CSMD3: variants seen among roughly 807,000 people sequenced by gnomAD.
CSMD3 encodes CUB and Sushi multiple domains 3, also known as CUB and sushi domain-containing protein 3.
In CSMD3, 177 loss-of-function variants were observed where a neutral mutation model predicts 435.2. That is an observed-to-expected ratio of 0.41 (90% CI 0.36 to 0.46). The LOEUF is 0.46. CSMD3 is among the 20% of genes least tolerant of loss of function. The pLI is 0.34. For missense variants in CSMD3, 4,265 were observed against 4,504.6 expected, an observed-to-expected ratio of 0.95 and a Z score of 1.52; for synonymous variants, 1,656 against 1,520.5, an observed-to-expected ratio of 1.09 and a Z score of -2.07.
intron 4 of CSMD3, among the ~76,000 whole-genome samples, chr8:113,103,591 C>T (rs576208432): frequency 3.9e-5 from 6 of 152,060 alleles, no homozygotes; most frequent in East Asian, 3.9e-4. Context: ...TCAATTCCCT[C>T]GTAAGTTCTT....
intron 59 of CSMD3, among the ~76,000 whole-genome samples, chr8:112,269,013 A>T (rs1023947541): frequency 6.6e-6 from 1 of 152,144 alleles, no homozygotes; most frequent in Non-Finnish European, 1.5e-5. Flanking sequence ...TGCCTGCTAG[A>T]TCCAAAAGCA....
chr8:113,173,958 T>C, intron 3 of CSMD3, 42 bp from the exon 4 acceptor site: 1 of 1,407,908 alleles, frequency 7.1e-7, no homozygotes. Context: ...GTTATTTCAA[T>C]AAGCAGTTTA....
chr8:113,432,381 T>C (rs2094679637), intron 1 of CSMD3, among the ~76,000 whole-genome samples: 1 of 152,192 alleles, frequency 6.6e-6, no homozygotes, highest in South Asian at 2.1e-4. Flanking sequence ...CTTTCTTCCT[T>C]TGGTTGTCCT....
chr8:112,850,918 AC>A (rs2129718293), intron 11 of CSMD3, among the ~76,000 whole-genome samples: 1 of 152,288 alleles, frequency 6.6e-6, no homozygotes, highest in South Asian at 2.1e-4. Context: ...GATTTAAATA[AC>A]CTCAGGGGCA....
At chr8:112,561,471 A>C (rs1828619247) in intron 24 of CSMD3, among the ~76,000 whole-genome samples, 1 of 151,634 alleles carries the variant, frequency 6.6e-6, no homozygotes, top group Admixed American at 6.6e-5. Context: ...TGAAATCTAC[A>C]AAAAAATATA....
chr8:113,139,996 T>C (rs759676697), intron 4 of CSMD3, among the ~76,000 whole-genome samples: 1 of 151,050 alleles, frequency 6.6e-6, no homozygotes. Context: ...AAATGCAATA[T>C]GCAAGCACAA....
At chr8:112,966,022 CAAG>C (rs2084402570) in intron 7 of CSMD3, among the ~76,000 whole-genome samples, 1 of 151,464 alleles carries the variant, frequency 6.6e-6, no homozygotes, top group African/African-American at 2.4e-5. Flanking sequence ...TAGGGAAAGT[CAAG>C]AGAACAATGG....
In CSMD3 at chr8:112,890,181, A is replaced by T. The variant is rs76223017; in HGVS notation, c.1634-30915T>A. 2.0e-4 allele frequency among the ~76,000 whole-genome samples: 30 copies of T among 151,794 alleles called. No homozygotes were observed. The East Asian group carries it at 5.9e-3, about 30-fold the overall frequency. Reference sequence around the variant, plus strand: ...CAGGGAGAAATAAAACATCAGTGACATTCTTCCCATCAAAATGCATCAAGT... The same window carrying T: ...CAGGGAGAAATAAAACATCAGTGACTTTCTTCCCATCAAAATGCATCAAGT... On this transcript the variant is annotated intron_variant, in intron 10 of 70. Coordinates refer to ENST00000297405, the MANE Select transcript of CSMD3 (RefSeq NM_198123.2).
chr8:113,256,792 T>G (rs932490602), intron 3 of CSMD3, among the ~76,000 whole-genome samples: 2 of 152,156 alleles, frequency 1.3e-5, no homozygotes, highest in South Asian at 2.1e-4. Flanking sequence ...AAACAGACAT[T>G]GCAAGTTTTA....
intron 64 of CSMD3, among the ~76,000 whole-genome samples, chr8:112,245,549 GT>G (rs1205659615): frequency 6.6e-6 from 1 of 151,940 alleles, no homozygotes; most frequent in Non-Finnish European, 1.5e-5. Context: ...TGATTTTGTT[GT>G]TTTTGAGATA....
At chr8:112,383,510 T>C (rs1477642036) in intron 37 of CSMD3, 57 bp downstream of exon 37, 1 of 1,002,084 alleles carries the variant, frequency 1.0e-6, no homozygotes, top group South Asian at 1.3e-5. Context: ...GCTCTTTAAT[T>C]TTTTTTATAT....
chr8:112,300,822 A>C (rs73700902), intron 53 of CSMD3, among the ~76,000 whole-genome samples: 5,184 of 152,098 alleles, frequency 0.034, 299 homozygotes, highest in African/African-American at 0.12. Context: ...GAAATTTCAA[A>C]TAATGATTGT....
intron 3 of CSMD3, among the ~76,000 whole-genome samples, chr8:113,224,480 A>T (rs2093004079): frequency 6.6e-6 from 1 of 151,302 alleles, no homozygotes; most frequent in Non-Finnish European, 1.5e-5. Flanking sequence ...TCACCTATAT[A>T]AATAAATGAC....
intron 6 of CSMD3, among the ~76,000 whole-genome samples, chr8:113,006,204 C>A (rs532800277): frequency 5.3e-5 from 8 of 152,052 alleles, no homozygotes; most frequent in African/African-American, 1.7e-4. Context: ...TTTGTGCATA[C>A]GTCCTGGATT....
intron 45 of CSMD3, among the ~76,000 whole-genome samples, chr8:112,328,655 T>C (rs1414485073): frequency 6.6e-6 from 1 of 152,062 alleles, no homozygotes; most frequent in East Asian, 1.9e-4. Flanking sequence ...ATAAGCCCCA[T>C]GTGTTGAGAG....
chr8:112,266,605 G>T (rs140312191), intron 59 of CSMD3, among the ~76,000 whole-genome samples: 102 of 152,294 alleles, frequency 6.7e-4, no homozygotes, highest in Middle Eastern at 3.4e-3. Flanking sequence ...CCTATGAGTT[G>T]CACTGATCTC....
chr8:113,426,046 A>G (rs948026255), intron 1 of CSMD3, among the ~76,000 whole-genome samples: 1 of 151,490 alleles, frequency 6.6e-6, no homozygotes, highest in African/African-American at 2.4e-5. Flanking sequence ...GTATGGAATC[A>G]ATAAATTCAA....
chr8:112,311,978 G>A (rs1354747658), intron 49 of CSMD3, among the ~76,000 whole-genome samples: 4 of 152,126 alleles, frequency 2.6e-5, no homozygotes, highest in Non-Finnish European at 5.9e-5. Context: ...CTGTTCTTGA[G>A]GGCTAAAAGT....
intron 3 of CSMD3, among the ~76,000 whole-genome samples, chr8:113,201,962 A>G (rs1161130744): frequency 6.6e-6 from 1 of 152,228 alleles, no homozygotes; most frequent in East Asian, 1.9e-4. Context: ...GCTATAACCC[A>G]AACTGCCACA....
Sources: allele counts gnomAD v4.1 joint callset (sites outside exome capture counted in the v4.1 genomes callset), GRCh38; gene constraint gnomAD v4.1.1; transcripts MANE v1.5; gene names NCBI Gene and HGNC (gene_info 2026-07-23, HGNC 2026-07-21).